SAMD4A: variants seen among roughly 807,000 people sequenced by gnomAD.
SAMD4A encodes the protein protein Smaug homolog 1.
In SAMD4A, 33 loss-of-function variants were observed where a neutral mutation model predicts 81.3. That is an observed-to-expected ratio of 0.41 (90% CI 0.31 to 0.54). The LOEUF is 0.54. Ranked by LOEUF, SAMD4A falls within the 20% of genes least tolerant of loss-of-function variation. The pLI is 0.37. For synonymous variants in SAMD4A, 389 were observed against 382.1 expected (o/e 1.02, Z -0.21); for missense variants, 854 against 951.1 (o/e 0.90, Z 1.34).
At chr14:54,699,505 A>T (rs1287090133) in intron 2 of SAMD4A, among the ~76,000 whole-genome samples, 1 of 152,166 alleles carries the variant, frequency 6.6e-6, no homozygotes, top group Non-Finnish European at 1.5e-5. Context: ...GCTGTGGCTG[A>T]TCCAAGTTGA....
intron 2 of SAMD4A, among the ~76,000 whole-genome samples, chr14:54,617,254 G>A (rs969805228): frequency 2.0e-5 from 3 of 152,110 alleles, no homozygotes; most frequent in Non-Finnish European, 4.4e-5. Flanking sequence ...ACTGTATATG[G>A]AAGGATTGTG....
chr14:54,620,558 C>T (rs891084714), intron 2 of SAMD4A, among the ~76,000 whole-genome samples: 5 of 152,120 alleles, frequency 3.3e-5, no homozygotes, highest in African/African-American at 1.2e-4. Flanking sequence ...CTGGCTCTGC[C>T]TTGTCAGGTT....
At chr14:54,575,418 T>A (rs2033259762) in intron 2 of SAMD4A, among the ~76,000 whole-genome samples, 1 of 152,184 alleles carries the variant, frequency 6.6e-6, no homozygotes, top group South Asian at 2.1e-4. Context: ...CTGAACTTGC[T>A]GATATGAGGA....
intron 2 of SAMD4A, among the ~76,000 whole-genome samples, chr14:54,573,607 A>G (rs2033198703): frequency 6.6e-6 from 1 of 152,216 alleles, no homozygotes; most frequent in Non-Finnish European, 1.5e-5. Flanking sequence ...TAAAATATAC[A>G]ATCACTACTT....
At chr14:54,782,981 G>A (rs2039037057) in intron 11 of SAMD4A, among the ~76,000 whole-genome samples, 1 of 152,220 alleles carries the variant, frequency 6.6e-6, no homozygotes, top group East Asian at 1.9e-4. Flanking sequence ...ACAGGTAGAG[G>A]AGCTAAGGCC....
chr14:54,609,261 G>T (rs572832666), intron 2 of SAMD4A, among the ~76,000 whole-genome samples: 1 of 152,344 alleles, frequency 6.6e-6, no homozygotes, highest in South Asian at 2.1e-4. Context: ...TACTCAGCCA[G>T]CCACTGCTGA....
intron 3 of SAMD4A, among the ~76,000 whole-genome samples, chr14:54,733,667 G>A (rs2037615539): frequency 6.6e-6 from 1 of 152,108 alleles, no homozygotes; most frequent in Admixed American, 6.5e-5. Context: ...GGACTTCTGG[G>A]TAGCTGAGGT....
upstream of SAMD4A, chr14:54,567,076 T>TGCCTCC (rs1166667668): frequency 6.5e-6 from 1 of 152,822 alleles, no homozygotes; most frequent in Non-Finnish European, 1.5e-5. Flanking sequence ...GGGCTGCCGC[T>TGCCTCC]GCCTCCGCCT....
intron 4 of SAMD4A, among the ~76,000 whole-genome samples, chr14:54,739,518 C>CAA (rs11301120): frequency 1.5e-5 from 2 of 135,344 alleles, no homozygotes; most frequent in Non-Finnish European, 1.6e-5. Flanking sequence ...AGTTAAATGG[C>CAA]AAAAAAAAAA....
intron 4 of SAMD4A, among the ~76,000 whole-genome samples, chr14:54,744,230 A>G (rs368284506): frequency 6.6e-6 from 1 of 152,148 alleles, no homozygotes; most frequent in South Asian, 2.1e-4. Context: ...CTCTTCAGCA[A>G]TATCGATCCC....
At chr14:54,750,235 A>T (rs2038069181) in intron 5 of SAMD4A, among the ~76,000 whole-genome samples, 2 of 152,234 alleles carry the variant, frequency 1.3e-5, no homozygotes, top group African/African-American at 4.8e-5. Flanking sequence ...AATTTAATTC[A>T]CTAGAACCCA....
chr14:54,755,757 T>C lies in SAMD4A; in HGVS notation c.1176+4220T>C, dbSNP rs1957358. ...ATTGAAGACTTCTCAAGATACGTGG[T>C]GGAAAAGGAAAATTAGAATGGTCAC... On this transcript the variant is annotated intron_variant, in intron 6 of 12. Transcript: ENST00000554335. Among the ~76,000 whole-genome samples, 71,931 of 151,956 alleles carry C rather than the reference T, an allele frequency of 0.47. 18,060 individuals are homozygous for C. Among genetic ancestry groups the C allele is most frequent in the Non-Finnish European group, 0.58 (39,104 of 67,946 alleles).
At chr14:54,626,944 G>A (rs1301029699) in intron 2 of SAMD4A, among the ~76,000 whole-genome samples, 1 of 152,158 alleles carries the variant, frequency 6.6e-6, no homozygotes, top group East Asian at 1.9e-4. Context: ...CTGGGTAAGT[G>A]GGAGAGCCAA....
intron 5 of SAMD4A, among the ~76,000 whole-genome samples, chr14:54,750,923 G>T (rs977213018): frequency 2.0e-5 from 3 of 152,172 alleles, no homozygotes; most frequent in African/African-American, 7.2e-5. Flanking sequence ...CAGATAAAAA[G>T]CACAGTCAAA....
intron 2 of SAMD4A, among the ~76,000 whole-genome samples, chr14:54,637,233 CGG>C (rs1833939246): frequency 6.6e-6 from 1 of 151,752 alleles, no homozygotes; most frequent in African/African-American, 2.4e-5. Flanking sequence ...GGCATGGTGG[CGG>C]ACACCTGTAA....
At chr14:54,572,253 A>T (rs1357694566) in intron 2 of SAMD4A, among the ~76,000 whole-genome samples, 1 of 152,170 alleles carries the variant, frequency 6.6e-6, no homozygotes, top group East Asian at 1.9e-4. Context: ...TACTGGGAGC[A>T]TTGTGAACCT....
At chr14:54,768,405 C>A (rs2038612150) in intron 8 of SAMD4A, among the ~76,000 whole-genome samples, 1 of 152,106 alleles carries the variant, frequency 6.6e-6, no homozygotes, top group African/African-American at 2.4e-5. Flanking sequence ...ATATTATTAT[C>A]CTCAGTTTCT....
At chr14:54,573,497 A>G (rs2033195141) in intron 2 of SAMD4A, among the ~76,000 whole-genome samples, 1 of 152,148 alleles carries the variant, frequency 6.6e-6, no homozygotes, top group Non-Finnish European at 1.5e-5. Context: ...TCCTTGACCC[A>G]AGGAGAAATT....
intron 2 of SAMD4A, among the ~76,000 whole-genome samples, chr14:54,629,221 C>T (rs930180191): frequency 1.3e-5 from 2 of 152,134 alleles, no homozygotes; most frequent in South Asian, 2.1e-4. Flanking sequence ...CCAGGATTGA[C>T]GGCCACCACC....
Sources: allele counts gnomAD v4.1 joint callset (sites outside exome capture counted in the v4.1 genomes callset), GRCh38; gene constraint gnomAD v4.1.1; transcripts MANE v1.5; gene names NCBI Gene and HGNC (gene_info 2026-07-23, HGNC 2026-07-21).